OTOP2: variants seen among roughly 807,000 people sequenced by gnomAD.
OTOP2 encodes otopetrin 2.
In OTOP2, 41 loss-of-function variants were observed where a neutral mutation model predicts 47.4. The ratio of observed to expected loss-of-function variants is 0.87; its 90% CI spans 0.67 to 1.12. OTOP2 has a LOEUF of 1.12. Among genes scored for constraint, OTOP2 ranks in the 50% most tolerant of loss-of-function variants. The pLI is 0.00. For synonymous variants in OTOP2, 328 were observed against 319.6 expected (o/e 1.03, Z -0.28); for missense variants, 721 against 752.2 (o/e 0.96, Z 0.49).
chr17:74,929,229 G>T (rs538347424), intron 5 of OTOP2, among the ~76,000 whole-genome samples: 2 of 152,190 alleles, frequency 1.3e-5, no homozygotes, highest in South Asian at 4.1e-4. Flanking sequence ...GGGAGGTCAT[G>T]GTGGAGACTT....
rs1763767949 is a variant in OTOP2, at chr17:74,930,400, C to T, written c.765C>T (p.Ser255=). Residue 255 remains serine, a synonymous_variant, in exon 6 of 7, where the codon TCC becomes TCT. Coordinates refer to ENST00000331427, the MANE Select transcript of OTOP2 (RefSeq NM_178160.3). This position sits in a 1 kb window ranked among gnomAD's most constrained non-coding sequence, Gnocchi z 4.0. ...PFNIEYSLFA[S]TMLYVMWKNV... is the part of the protein sequence containing the mutation. ...ACATCGAGTACAGCCTCTTCGCCTCCACCATGCTGTATGTCATGTGGAAGA... is the reference window on the plus strand; with the variant it reads ...ACATCGAGTACAGCCTCTTCGCCTCTACCATGCTGTATGTCATGTGGAAGA... 6.2e-7 allele frequency: 1 copy of T among 1,614,210 alleles called. No homozygotes were observed. Among genetic ancestry groups the T allele is most frequent in the Non-Finnish European group, 8.5e-7 (1 of 1,180,036 alleles).
In OTOP2 at chr17:74,930,253, C is replaced by T. The variant is rs1159050790; in HGVS notation, c.644-26C>T. The T allele has an allele frequency of 6.3e-7, 1 of 1,594,414 alleles. No individual in the cohort carries two copies. The highest frequency in any genetic ancestry group is 2.2e-5 in the East Asian group (1 of 44,470). ...TCTCTAGGAAGGCAGGAGGGCTGTC[C>T]AGCCCTGTGTCTCTCTCCACAACAG... On this transcript the variant is annotated intron_variant, in intron 5 of 6. Coordinates refer to ENST00000331427, the MANE Select transcript of OTOP2 (RefSeq NM_178160.3). This position sits in a 1 kb window ranked among gnomAD's most constrained non-coding sequence, Gnocchi z 4.0.
rs1440778479 is a variant in OTOP2 at position 74,924,462 on chromosome 17, C to A, written c.-34+129C>A. On this transcript the variant is annotated intron_variant, in intron 1 of 6. Transcript: ENST00000331427. This position sits in a 1 kb window ranked among gnomAD's most constrained non-coding sequence, Gnocchi z 7.7. Reference sequence around the variant, plus strand: ...GGCAGGTTCCGCATTTTCTCTTCCCCTTTCCCAGCGCTTCCTCCAGCACCC... The same window carrying A: ...GGCAGGTTCCGCATTTTCTCTTCCCATTTCCCAGCGCTTCCTCCAGCACCC... The A allele has an allele frequency of 1.4e-6, 1 of 723,530 alleles. No individual in the cohort carries two copies. Among genetic ancestry groups the A allele is most frequent in the Non-Finnish European group, 2.1e-6 (1 of 465,476 alleles). 44.8% of individuals were successfully genotyped at this position (723,530 alleles called of 1,614,324 possible).
At position 74,925,626 on chromosome 17, in the gene OTOP2, C is replaced by G. The variant is rs750570753; in HGVS notation, c.384C>G (p.Phe128Leu). ...TCAAGACCGGCTACTACTCCAGTTT[C>G]TTTGAGTGCCAGTCAGCCATCAAGA... is the stretch of plus-strand genomic sequence containing the variant. ...DVFKTGYYSS[F>L]FECQSAIKIL... Residue 128 changes from phenylalanine to leucine, a missense_variant, in exon 3 of 7, where the codon TTC becomes TTG. Physicochemically the swap from Phe to Leu is conservative, Grantham distance 22 (BLOSUM62 0). Coordinates refer to ENST00000331427, the MANE Select transcript of OTOP2 (RefSeq NM_178160.3). 5 of 1,614,200 alleles carry G rather than the reference C, an allele frequency of 3.1e-6. No individual in the cohort carries two copies. In the South Asian group the frequency reaches 4.4e-5, roughly 14 times the overall value.
chr17:74,933,489 ATCT>A lies in OTOP2; in HGVS notation c.1637_1639del (p.Phe546del). On this transcript the variant is annotated inframe_deletion, in exon 7 of 7. Transcript: ENST00000331427. The surrounding 1 kb of genome is among the most constrained non-coding windows in gnomAD (Gnocchi z 4.7). The stretch of plus-strand genomic sequence containing the variant: ...CGTCAACATCTGCCTCCCTTTCGGC[ATCT>A]TCTACCGCATGCACGCTGTGTCCAG... The A allele has an allele frequency of 1.2e-6, 2 of 1,614,088 alleles. No individual in the cohort carries two copies. Among genetic ancestry groups the A allele is most frequent in the Non-Finnish European group, 1.7e-6 (2 of 1,179,956 alleles).
At chr17:74,925,178 A>G (rs981394662) in intron 2 of OTOP2, among the ~76,000 whole-genome samples, 2 of 152,094 alleles carry the variant, frequency 1.3e-5, no homozygotes, top group African/African-American at 2.4e-5. Flanking sequence ...CCCCGGTCTG[A>G]AGATTAGAGA....
Position 74,924,920 on chromosome 17 carries a change from G to T in OTOP2, c.288G>T (p.Ala96=). The change falls in exon 2 of 7, where the codon GCG becomes GCT. Residue 96 remains alanine, a synonymous_variant. Coordinates refer to ENST00000331427, the MANE Select transcript of OTOP2 (RefSeq NM_178160.3). The surrounding 1 kb of genome is among the most constrained non-coding windows in gnomAD (Gnocchi z 7.7). ...CCTGCGCGGTACCCTACCGGGACGC[G>T]CACGCTGGCCCCATCTGGCTCCGAG... The part of the protein sequence containing the change: ...RCPCAVPYRD[A]HAGPIWLRGG... The T allele has an allele frequency of 6.3e-7, 1 of 1,576,548 alleles. No homozygotes were observed. The highest frequency in any genetic ancestry group is 8.6e-7 in the Non-Finnish European group (1 of 1,160,958).
intron 2 of OTOP2, 115 bp from the exon 3 acceptor site, chr17:74,925,441 C>A: frequency 7.3e-7 from 1 of 1,372,622 alleles, no homozygotes; most frequent in Non-Finnish European, 1.0e-6. Context: ...TGCACTCACT[C>A]ACCCATCCAC....
rs767473175 is a variant in OTOP2 at position 74,933,507 on chromosome 17, G to A, written c.1651G>A (p.Ala551Thr). 1.8e-5 allele frequency: 29 copies of A among 1,613,588 alleles called. No homozygotes were observed. Among genetic ancestry groups the A allele is most frequent in the South Asian group, 5.5e-5 (5 of 91,054 alleles). The change falls in exon 7 of 7, where the codon GCT becomes ACT. Residue 551 changes from alanine (A) to threonine (T), a missense_variant. Ala to Thr is a moderately conservative substitution (Grantham distance 58). Transcript: ENST00000331427. The surrounding 1 kb of genome is among the most constrained non-coding windows in gnomAD (Gnocchi z 4.7). ...LPFGIFYRMHAVSSLLEVYVL... is the reference protein window; with the variant it reads ...LPFGIFYRMHTVSSLLEVYVL... The stretch of plus-strand genomic sequence containing the variant: ...TTTCGGCATCTTCTACCGCATGCAC[G>A]CTGTGTCCAGCCTGCTGGAGGTCTA...
At position 74,927,756 on chromosome 17, in the gene OTOP2, A is replaced by C. The variant is rs765532874; in HGVS notation, c.601A>C (p.Ser201Arg). The C allele has an allele frequency of 3.1e-6, 5 of 1,614,128 alleles. No homozygotes were observed. Among genetic ancestry groups the C allele is most frequent in the Non-Finnish European group, 4.2e-6 (5 of 1,179,998 alleles). The change falls in exon 5 of 7, where the codon AGT becomes CGT. Residue 201 changes from serine to arginine, a missense_variant. Ser to Arg is a moderately radical substitution (Grantham distance 110). Coordinates refer to ENST00000331427, the MANE Select transcript of OTOP2 (RefSeq NM_178160.3). ...TGTGCACCAATCCCACTCCTACAGC[A>C]GTTCTCACAGCAACGCCAGCCACGC... ...ESVHQSHSYS[S>R]SHSNASHARL...
At chr17:74,929,450 G>A (rs554924388) in intron 5 of OTOP2, among the ~76,000 whole-genome samples, 2 of 152,242 alleles carry the variant, frequency 1.3e-5, no homozygotes, top group African/African-American at 4.8e-5. Flanking sequence ...GTTTGAGACA[G>A]AGTCTTGCTC....
At chr17:74,925,057 A>AGGGAGGACC (rs2038994722) in intron 2 of OTOP2, 112 bp downstream of exon 2, 6 of 1,299,250 alleles carry the variant, frequency 4.6e-6, no homozygotes, top group Non-Finnish European at 6.2e-6. Flanking sequence ...GAGGCTCCCT[A>AGGGAGGACC]GGGAGGACCA....
At position 74,924,703 on chromosome 17, in the gene OTOP2, G is replaced by A; in HGVS notation, c.71G>A (p.Trp24Ter). 1 of 1,604,268 alleles carries A rather than the reference G, an allele frequency of 6.2e-7. No individual in the cohort carries two copies. Among genetic ancestry groups the A allele is most frequent in the Non-Finnish European group, 8.5e-7 (1 of 1,176,604 alleles). ...PAPRAGPREV[W>*]KKGGRLLSVL... ...CCGCGTGCGGGCCCCAGGGAGGTGTGGAAGAAGGGTGGCCGCCTGCTGTCG... is the reference window on the plus strand; with the variant it reads ...CCGCGTGCGGGCCCCAGGGAGGTGTAGAAGAAGGGTGGCCGCCTGCTGTCG... The change falls in exon 2 of 7, where the codon TGG (tryptophan) becomes TAG (stop). Residue 24 changes from tryptophan (W) to a stop codon, truncating the protein, a stop_gained. Transcript: ENST00000331427. LOFTEE classifies it high-confidence loss of function. This position sits in a 1 kb window ranked among gnomAD's most constrained non-coding sequence, Gnocchi z 7.7.
intron 5 of OTOP2, among the ~76,000 whole-genome samples, chr17:74,929,271 A>G (rs761521035): frequency 5.3e-5 from 8 of 152,112 alleles, no homozygotes; most frequent in East Asian, 1.9e-4. Context: ...GGGCTGAATC[A>G]GATGGTAGGG....
rs1427718082 is a variant in OTOP2, at chr17:74,924,668, C to A, written c.36C>A (p.Ser12Arg). 1 of 1,589,924 alleles carries A rather than the reference C, an allele frequency of 6.3e-7. No homozygotes were observed. The highest frequency in any genetic ancestry group is 1.3e-5 in the African/African-American group (1 of 74,848). ...AGCTGGCCCAGGGCCCCAAGGAGAGCCCCCCGGCGCCGCGTGCGGGCCCCA... is the reference window on the plus strand; with the variant it reads ...AGCTGGCCCAGGGCCCCAAGGAGAGACCCCCGGCGCCGCGTGCGGGCCCCA... Reference protein sequence around the residue: ...SEELAQGPKESPPAPRAGPRE... With the variant: ...SEELAQGPKERPPAPRAGPRE... The change falls in exon 2 of 7, where the codon AGC becomes AGA. Residue 12 changes from serine to arginine, a missense_variant. Coordinates refer to ENST00000331427, the MANE Select transcript of OTOP2 (RefSeq NM_178160.3). The surrounding 1 kb of genome is among the most constrained non-coding windows in gnomAD (Gnocchi z 7.7).
At position 74,930,780 on chromosome 17, in the gene OTOP2, T is replaced by C. The variant is rs1598594974; in HGVS notation, c.1145T>C (p.Ile382Thr). The C allele has an allele frequency of 1.2e-6, 2 of 1,614,026 alleles. No homozygotes were observed. Among genetic ancestry groups the C allele is most frequent in the Non-Finnish European group, 8.5e-7 (1 of 1,180,008 alleles). Residue 382 changes from isoleucine (I) to threonine (T), a missense_variant, in exon 6 of 7, where the codon ATC becomes ACC. By Grantham distance (89) the Ile-to-Thr change is moderately conservative. Transcript: ENST00000331427. This position sits in a 1 kb window ranked among gnomAD's most constrained non-coding sequence, Gnocchi z 4.0. ...GGTGCCGCCCTGGGTCAGTACGCCA[T>C]CTCTTACTACTCCATCGTGGCTGTG... is the stretch of plus-strand genomic sequence containing the variant. ...LMGAALGQYA[I>T]SYYSIVAVVA...
At chr17:74,928,638 G>C (rs370813604) in intron 5 of OTOP2, among the ~76,000 whole-genome samples, 1 of 152,218 alleles carries the variant, frequency 6.6e-6, no homozygotes, top group African/African-American at 2.4e-5. Flanking sequence ...CATAGGTGCA[G>C]AAACTAAGGC....
rs1176210918 is a variant in OTOP2, at chr17:74,933,146, G to A, written c.1519-229G>A. On this transcript the variant is annotated intron_variant, in intron 6 of 6. Transcript: ENST00000331427. The surrounding 1 kb of genome is among the most constrained non-coding windows in gnomAD (Gnocchi z 4.7). ...AGGTGATCACAGGTGTCCATGAGGT[G>A]GGCTAGCCTAGGGATGGCGAATTCA... Among the ~76,000 whole-genome samples, 2 of 152,198 alleles carry A rather than the reference G, an allele frequency of 1.3e-5. No individual in the cohort carries two copies. The highest frequency in any genetic ancestry group is 2.1e-4 in the South Asian group (1 of 4,828).
At chr17:74,927,831 AC>A (rs770402265) in intron 5 of OTOP2, 33 bp downstream of exon 5, 2 of 1,609,922 alleles carry the variant, frequency 1.2e-6, no homozygotes, top group South Asian at 1.1e-5. Flanking sequence ...CCCTGTGGCT[AC>A]CAGGCCTTGG....
Sources: gnomAD v4.1 joint callset for allele counts (sites outside exome capture counted in the v4.1 genomes callset) on GRCh38, gnomAD v4.1.1 for gene constraint, Gnocchi (gnomAD v3.1) non-coding constraint, MANE v1.5 for transcripts, NCBI Gene and HGNC (gene_info 2026-07-23, HGNC 2026-07-21) for gene names.